ZNF423: variants seen among roughly 807,000 people sequenced by gnomAD.
ZNF423 encodes the protein zinc finger protein 423.
Under a neutral mutation model 95.8 loss-of-function variants are expected in ZNF423, and 12 were observed. That is an observed-to-expected ratio of 0.13 (90% CI 0.08 to 0.20). The LOEUF (loss-of-function observed/expected upper bound fraction) is 0.20. ZNF423 is among the 10% of genes least tolerant of loss of function. The pLI is 1.00. For missense variants in ZNF423, 1,316 were observed against 1,737.1 expected (o/e 0.76, Z 4.31); for synonymous variants, 749 against 711.9 (o/e 1.05, Z -0.83).
chr16:49,543,736 A>T (rs778647216), intron 5 of ZNF423, among the ~76,000 whole-genome samples: 2 of 152,152 alleles, frequency 1.3e-5, no homozygotes, highest in Non-Finnish European at 2.9e-5. Flanking sequence ...GGCCCAACTG[A>T]GGAAGGACTG....
chr16:49,692,470 G>A (rs541539164), intron 3 of ZNF423, among the ~76,000 whole-genome samples: 1 of 152,278 alleles, frequency 6.6e-6, no homozygotes, highest in Admixed American at 6.5e-5. Context: ...GTGGGACGAG[G>A]GACTGAAGTC....
intron 1 of ZNF423, among the ~76,000 whole-genome samples, chr16:49,831,642 C>T (rs1156412187): frequency 6.6e-6 from 1 of 152,146 alleles, no homozygotes; most frequent in Non-Finnish European, 1.5e-5. Context: ...AGCTGTTCTC[C>T]CAGGGGACAC....
At chr16:49,594,619 ACACT>A (rs1183996034) in intron 5 of ZNF423, among the ~76,000 whole-genome samples, 1 of 152,198 alleles carries the variant, frequency 6.6e-6, no homozygotes, top group African/African-American at 2.4e-5. Flanking sequence ...GACCACAAAC[ACACT>A]CAAAGACAAA....
At chr16:49,525,130 A>C (rs1968551595) in intron 6 of ZNF423, among the ~76,000 whole-genome samples, 1 of 152,218 alleles carries the variant, frequency 6.6e-6, no homozygotes, top group South Asian at 2.1e-4. Flanking sequence ...GGTGCCAACC[A>C]GCCTGCTGAT....
intron 7 of ZNF423, among the ~76,000 whole-genome samples, chr16:49,505,706 G>A (rs1241010753): frequency 6.6e-6 from 1 of 152,244 alleles, no homozygotes; most frequent in African/African-American, 2.4e-5. Context: ...CCAGTCCAGA[G>A]AGGGGGTCCA....
At chr16:49,771,243 C>T (rs1302526927) in intron 2 of ZNF423, among the ~76,000 whole-genome samples, 1 of 145,516 alleles carries the variant, frequency 6.9e-6, no homozygotes, top group African/African-American at 2.6e-5. Flanking sequence ...CACTCTGTCA[C>T]CCAGGCTGGA....
At chr16:49,802,552 C>A (rs1043474852) in intron 1 of ZNF423, among the ~76,000 whole-genome samples, 13 of 152,330 alleles carry the variant, frequency 8.5e-5, no homozygotes, top group African/African-American at 3.1e-4. Flanking sequence ...TGTGCACGAT[C>A]AGCGCACCAT....
chr16:49,603,658 C>T lies in ZNF423; in HGVS notation c.3601+22512G>A, dbSNP rs970182838. Among the ~76,000 whole-genome samples the T allele has an allele frequency of 6.6e-6, 1 of 152,184 alleles. No individual in the cohort carries two copies. Among genetic ancestry groups the T allele is most frequent in the Non-Finnish European group, 1.5e-5 (1 of 68,034 alleles). On this transcript the variant is annotated intron_variant, in intron 5 of 7. Coordinates refer to ENST00000563137, the MANE Select transcript of ZNF423 (RefSeq NM_001379286.1). The surrounding 1 kb of genome is among the most constrained non-coding windows in gnomAD (Gnocchi z 4.1). ...CTCCTGATCTCAGGTGATCCGCCCA[C>T]CTCGGCCTCCCAAAGTCCTGGGATT...
At chr16:49,735,904 G>A (rs1377051008) in intron 2 of ZNF423, among the ~76,000 whole-genome samples, 1 of 152,222 alleles carries the variant, frequency 6.6e-6, no homozygotes. Flanking sequence ...TTAGCTCATA[G>A]TACTGTGAGA....
intron 3 of ZNF423, among the ~76,000 whole-genome samples, chr16:49,721,574 C>A (rs552949707): frequency 6.6e-6 from 1 of 152,236 alleles, no homozygotes; most frequent in South Asian, 2.1e-4. Context: ...ACCTCGCTCC[C>A]CAAGAACCAT....
chr16:49,615,068 T>G (rs1971830555), intron 5 of ZNF423, among the ~76,000 whole-genome samples: 1 of 149,550 alleles, frequency 6.7e-6, no homozygotes, highest in African/African-American at 2.5e-5. Flanking sequence ...GAGGCAGAGG[T>G]TGCAGTGAGG....
At chr16:49,743,351 C>A (rs986958993) in intron 2 of ZNF423, among the ~76,000 whole-genome samples, 1 of 152,130 alleles carries the variant, frequency 6.6e-6, no homozygotes, top group Non-Finnish European at 1.5e-5. Context: ...TCATAGCAGT[C>A]CTCATGATTT....
intron 3 of ZNF423, among the ~76,000 whole-genome samples, chr16:49,651,174 C>T (rs1973386255): frequency 6.7e-6 from 1 of 149,156 alleles, no homozygotes; most frequent in Non-Finnish European, 1.5e-5. Context: ...GTGCGTGCCA[C>T]CATGCCTGGC....
chr16:49,577,644 G>A (rs1179930850), intron 5 of ZNF423, among the ~76,000 whole-genome samples: 1 of 152,188 alleles, frequency 6.6e-6, no homozygotes, highest in Non-Finnish European at 1.5e-5. Context: ...CAGGAGGAGA[G>A]CAAGGCCAGG....
intron 1 of ZNF423, among the ~76,000 whole-genome samples, chr16:49,839,967 T>C (rs1195107824): frequency 6.6e-6 from 1 of 152,228 alleles, no homozygotes; most frequent in Non-Finnish European, 1.5e-5. Context: ...AACAGAAATA[T>C]GCTTGCAGAT....
At chr16:49,756,831 C>T (rs529377947) in intron 2 of ZNF423, among the ~76,000 whole-genome samples, 33 of 152,304 alleles carry the variant, frequency 2.2e-4, no homozygotes, top group African/African-American at 7.5e-4. Flanking sequence ...AAGTCCATTG[C>T]GAGATGGCGG....
chr16:49,613,691 C>T (rs540112542), intron 5 of ZNF423, among the ~76,000 whole-genome samples: 1 of 152,138 alleles, frequency 6.6e-6, no homozygotes, highest in Admixed American at 6.6e-5. Flanking sequence ...GTCGACAGAG[C>T]TAGATCTTGT....
At chr16:49,504,192 C>A (rs529829283) in intron 7 of ZNF423, among the ~76,000 whole-genome samples, 1 of 152,202 alleles carries the variant, frequency 6.6e-6, no homozygotes, top group Non-Finnish European at 1.5e-5. Context: ...GATTGCACAA[C>A]AGTGTCAATG....
At chr16:49,564,596 A>G (rs1326237405) in intron 5 of ZNF423, among the ~76,000 whole-genome samples, 1 of 152,256 alleles carries the variant, frequency 6.6e-6, no homozygotes, top group Non-Finnish European at 1.5e-5. Flanking sequence ...GAAATTTCCC[A>G]GGACAAAAGT....
Sources: allele counts gnomAD v4.1 joint callset (sites outside exome capture counted in the v4.1 genomes callset), GRCh38; gene constraint gnomAD v4.1.1; non-coding constraint Gnocchi (gnomAD v3.1); transcripts MANE v1.5; gene names NCBI Gene and HGNC (gene_info 2026-07-23, HGNC 2026-07-21).